Variants in ARMH3 observed in about 807,000 individuals in gnomAD.
ARMH3 encodes armadillo-like helical domain-containing protein 3.
Under a neutral mutation model 99.1 loss-of-function variants are expected in ARMH3, and 60 were observed. The ratio of observed to expected loss-of-function variants is 0.61; its 90% CI spans 0.49 to 0.75. The LOEUF (loss-of-function observed/expected upper bound fraction) is 0.75, where lower values mean the gene tolerates loss of function less well. Among genes scored for constraint, ARMH3 ranks in the 30% least tolerant of loss-of-function variants. The pLI, the probability that ARMH3 is intolerant of heterozygous loss-of-function variation, is 0.00. For synonymous variants in ARMH3, 285 were observed against 292.8 expected, an observed-to-expected ratio of 0.97 and a Z score of 0.27; for missense variants, 679 against 843.1, an observed-to-expected ratio of 0.81 and a Z score of 2.41.
rs770810082 is a variant in ARMH3 at position 102,006,528 on chromosome 10, T to C, written c.1048+12A>G. ...ATATTAACCAAGAAAAACAAAGTGG[T>C]GGTGGGCTCACCATCAGAGGAAGGC... On this transcript the variant is annotated intron_variant, in intron 14 of 25. Coordinates refer to ENST00000370033, the MANE Select transcript of ARMH3 (RefSeq NM_024541.3). 2 of 1,609,688 alleles carry C rather than the reference T, an allele frequency of 1.2e-6. No homozygotes were observed. The highest frequency in any genetic ancestry group is 1.7e-6 in the Non-Finnish European group (2 of 1,176,096).
intron 19 of ARMH3, among the ~76,000 whole-genome samples, chr10:101,982,108 T>C (rs1846262646): frequency 6.7e-6 from 1 of 148,438 alleles, no homozygotes; most frequent in Non-Finnish European, 1.5e-5. Context: ...ATAGCGGGTA[T>C]AGTGGCTCAC....
chr10:101,855,761 TATATATAA>T (rs2066724109), intron 24 of ARMH3, among the ~76,000 whole-genome samples: 1 of 147,220 alleles, frequency 6.8e-6, no homozygotes, highest in African/African-American at 2.5e-5. Context: ...ATTTATGTAT[TATATATAA>T]ATATATTATA....
chr10:101,889,394 G>A lies in ARMH3; in HGVS notation c.1860+18C>T. 1 of 1,601,782 alleles carries A rather than the reference G, an allele frequency of 6.2e-7. No individual in the cohort carries two copies. Among genetic ancestry groups the A allele is most frequent in the Non-Finnish European group, 8.6e-7 (1 of 1,168,820 alleles). On this transcript the variant is annotated intron_variant, in intron 24 of 25. Transcript: ENST00000370033. ...TCCTAGCCACCAACTAGGTCATCTGGGGAAAGTAGTGGCTTACCTGCTCCT... is the reference window on the plus strand; with the variant it reads ...TCCTAGCCACCAACTAGGTCATCTGAGGAAAGTAGTGGCTTACCTGCTCCT...
chr10:102,002,637 T>G (rs2066388080), intron 14 of ARMH3, among the ~76,000 whole-genome samples: 1 of 151,924 alleles, frequency 6.6e-6, no homozygotes, highest in South Asian at 2.1e-4. Context: ...CTTCCCCGCT[T>G]AAGGGAACTG....
chr10:102,002,735 C>T (rs1484081508), intron 14 of ARMH3, among the ~76,000 whole-genome samples: 1 of 151,900 alleles, frequency 6.6e-6, no homozygotes, highest in East Asian at 1.9e-4. Context: ...CCGAGTTGGG[C>T]ACATCACCTA....
At chr10:101,982,605 C>T (rs1207433206) in intron 19 of ARMH3, among the ~76,000 whole-genome samples, 2 of 152,210 alleles carry the variant, frequency 1.3e-5, no homozygotes, top group Admixed American at 1.3e-4. Flanking sequence ...GAAACTTCAA[C>T]TGTATTTACA....
chr10:101,871,217 C>A (rs1405152794), intron 24 of ARMH3, among the ~76,000 whole-genome samples: 1 of 152,122 alleles, frequency 6.6e-6, no homozygotes, highest in Non-Finnish European at 1.5e-5. Context: ...ATTATGTTTA[C>A]TCCATTATGG....
rs2067469999 is a variant in ARMH3 at position 101,883,652 on chromosome 10, G to A, written c.1860+5760C>T. 3.3e-5 allele frequency among the ~76,000 whole-genome samples: 5 copies of A among 152,032 alleles called. No homozygotes were observed. In the South Asian group the frequency reaches 8.3e-4, roughly 25 times the overall value. ...TTTAGTACAGACAAAATGGTCATGG[G>A]GTTTATCTATGCAACACAAGTTGTA... On this transcript the variant is annotated intron_variant, in intron 24 of 25. Transcript: ENST00000370033.
At position 101,956,607 on chromosome 10, in the gene ARMH3, G is replaced by A. The variant is rs1490406278; in HGVS notation, c.1695C>T (p.Leu565=). ...IIRMHQSFDN[L]YSMVLRLSTN... ...GAAAAGGCAGCTTACCCATGGAGTA[G>A]AGGTTGTCAAAGCTCTGGTGCATGC... The change falls in exon 22 of 26, where the codon CTC becomes CTT. Residue 565 remains leucine (L), a synonymous_variant. Coordinates refer to ENST00000370033, the MANE Select transcript of ARMH3 (RefSeq NM_024541.3). The A allele has an allele frequency of 6.2e-7, 1 of 1,613,322 alleles. No individual in the cohort carries two copies. The highest frequency in any genetic ancestry group is 1.1e-5 in the South Asian group (1 of 91,032).
chr10:101,920,575 G>A (rs1417382881), intron 23 of ARMH3, among the ~76,000 whole-genome samples: 1 of 152,166 alleles, frequency 6.6e-6, no homozygotes, highest in South Asian at 2.1e-4. Flanking sequence ...TGAGATCAGA[G>A]ACTATGAGAA....
At chr10:102,006,391 A>G in intron 14 of ARMH3, 149 bp downstream of exon 14, 1 of 725,412 alleles carries the variant, frequency 1.4e-6, no homozygotes, top group African/African-American at 1.8e-5. Flanking sequence ...TTTTCTTTGG[A>G]AATTTAGGAG....
At chr10:102,009,500 A>G (rs1292708096) in intron 12 of ARMH3, 51 bp from the exon 13 acceptor site, 1 of 1,424,758 alleles carries the variant, frequency 7.0e-7, no homozygotes, top group South Asian at 1.2e-5. Context: ...GGGGGAGTTA[A>G]AACAGTATAA....
intron 19 of ARMH3, among the ~76,000 whole-genome samples, chr10:101,981,875 T>C (rs527275345): frequency 5.3e-4 from 81 of 151,522 alleles, no homozygotes; most frequent in Non-Finnish European, 9.9e-4. Context: ...AAAAATTAGC[T>C]GGGCGCGGTG....
At chr10:101,965,341 C>T (rs1339539197) in intron 20 of ARMH3, among the ~76,000 whole-genome samples, 1 of 152,164 alleles carries the variant, frequency 6.6e-6, no homozygotes, top group Non-Finnish European at 1.5e-5. Context: ...GGGACAAACA[C>T]ACAAAGATGC....
chr10:101,913,993 C>A (rs1842975944), intron 23 of ARMH3, among the ~76,000 whole-genome samples: 1 of 152,190 alleles, frequency 6.6e-6, no homozygotes, highest in Admixed American at 6.5e-5. Context: ...CCTATGAAAT[C>A]TTGCCATGTG....
At chr10:101,993,462 A>T in intron 17 of ARMH3, 76 bp downstream of exon 17, 3 of 1,145,922 alleles carry the variant, frequency 2.6e-6, no homozygotes, top group Non-Finnish European at 3.8e-6. Flanking sequence ...TTCTAGTAAG[A>T]TCAATTTCAT....
intron 8 of ARMH3, among the ~76,000 whole-genome samples, chr10:102,015,212 C>A (rs1217656602): frequency 1.3e-5 from 2 of 152,100 alleles, no homozygotes; most frequent in African/African-American, 4.8e-5. Flanking sequence ...TCTGCTGATT[C>A]TACAGACCTC....
chr10:101,939,775 G>A, intron 23 of ARMH3, 88 bp downstream of exon 23: 1 of 1,105,468 alleles, frequency 9.0e-7, no homozygotes, highest in South Asian at 1.4e-5. Flanking sequence ...TAAAATAGTA[G>A]TAGTGTTCAA....
At chr10:101,853,231 CTT>C (rs1386574123) in intron 24 of ARMH3, among the ~76,000 whole-genome samples, 3 of 152,020 alleles carry the variant, frequency 2.0e-5, no homozygotes, top group Non-Finnish European at 4.4e-5. Flanking sequence ...CTTTCTTCCT[CTT>C]ATACCTGAGG....
Sources: allele counts gnomAD v4.1 joint callset (sites outside exome capture counted in the v4.1 genomes callset), GRCh38; gene constraint gnomAD v4.1.1; transcripts MANE v1.5; gene names NCBI Gene and HGNC (gene_info 2026-07-23, HGNC 2026-07-21).